TBC1D22A: variants seen among roughly 807,000 people sequenced by gnomAD.
TBC1D22A encodes the protein TBC1 domain family member 22A, also known as putative GTPase activator.
TBC1D22A carries 38 observed loss-of-function variants against 60.2 expected under a neutral mutation model. The ratio of observed to expected loss-of-function variants is 0.63; its 90% confidence interval spans 0.49 to 0.83. The LOEUF is 0.83. Among genes scored for constraint, TBC1D22A ranks in the 40% least tolerant of loss-of-function variants. TBC1D22A has a pLI of 0.00. For synonymous variants in TBC1D22A, 302 were observed against 281.7 expected (o/e 1.07, Z -0.72); for missense variants, 628 against 701.0 (o/e 0.90, Z 1.18).
At chr22:47,127,632 C>T (rs73889409) in intron 12 of TBC1D22A, among the ~76,000 whole-genome samples, 3,042 of 152,070 alleles carry the variant, frequency 0.02, 107 homozygotes, top group African/African-American at 0.07. Context: ...CTTCCACTGC[C>T]GTCGGGGAAG....
chr22:47,044,405 G>T (rs2062963150), intron 11 of TBC1D22A, among the ~76,000 whole-genome samples: 1 of 152,212 alleles, frequency 6.6e-6, no homozygotes, highest in Admixed American at 6.5e-5. Flanking sequence ...GCCTGGGTGA[G>T]GGTGGACAGC....
intron 11 of TBC1D22A, among the ~76,000 whole-genome samples, chr22:47,079,086 T>G (rs1018415321): frequency 6.8e-6 from 1 of 146,150 alleles, no homozygotes; most frequent in African/African-American, 2.5e-5. Flanking sequence ...AGAGCAGACT[T>G]TTTTTTTTTT....
At position 46,941,677 on chromosome 22, in the gene TBC1D22A, A is replaced by G. The variant is rs575136806; in HGVS notation, c.1015+29489A>G. On this transcript the variant is annotated intron_variant, in intron 8 of 12. Transcript: ENST00000337137. ...GAATATATATACGCGGAATATATAT[A>G]CGGAATATATATACGCGGATTATAT... Among the ~76,000 whole-genome samples, 104 of 146,678 alleles carry G rather than the reference A, an allele frequency of 7.1e-4. 2 individuals are homozygous for G. The highest frequency in any genetic ancestry group is 1.9e-3 in the Admixed American group (28 of 14,500).
At chr22:47,071,477 C>G (rs866062747) in intron 11 of TBC1D22A, among the ~76,000 whole-genome samples, 13 of 152,242 alleles carry the variant, frequency 8.5e-5, no homozygotes, top group Admixed American at 5.2e-4. Flanking sequence ...GCTTCTGCAG[C>G]AGCACAAGCC....
chr22:46,872,877 G>C (rs558171443), intron 4 of TBC1D22A, among the ~76,000 whole-genome samples: 7 of 152,194 alleles, frequency 4.6e-5, no homozygotes, highest in Non-Finnish European at 1.0e-4. Context: ...AAAAAGCAGT[G>C]AGTTGAATAA....
chr22:47,004,633 C>T (rs1361479777), intron 10 of TBC1D22A, among the ~76,000 whole-genome samples: 1 of 150,928 alleles, frequency 6.6e-6, no homozygotes, highest in African/African-American at 2.4e-5. Flanking sequence ...TACACATACA[C>T]ACCTCTGTAT....
At chr22:46,915,427 G>A (rs2070288190) in intron 8 of TBC1D22A, 1 of 456,460 alleles carries the variant, frequency 2.2e-6, no homozygotes, top group Non-Finnish European at 4.4e-6. Context: ...CTGTGGTTTC[G>A]ACACCTGAGC....
intron 12 of TBC1D22A, among the ~76,000 whole-genome samples, chr22:47,123,113 C>T (rs1015819374): frequency 3.3e-5 from 5 of 152,102 alleles, no homozygotes; most frequent in South Asian, 2.1e-4. Flanking sequence ...GGGGTGTTCC[C>T]GTGAGGTTCC....
At chr22:47,117,936 A>G (rs768178183) in intron 12 of TBC1D22A, among the ~76,000 whole-genome samples, 2 of 152,100 alleles carry the variant, frequency 1.3e-5, no homozygotes, top group Non-Finnish European at 2.9e-5. Flanking sequence ...CAGCCTGACC[A>G]ACATAGTGAA....
At chr22:47,078,306 C>T (rs372827244) in intron 11 of TBC1D22A, among the ~76,000 whole-genome samples, 11 of 152,204 alleles carry the variant, frequency 7.2e-5, no homozygotes, top group South Asian at 4.1e-4. Flanking sequence ...CCTGGATGGA[C>T]GTGAGTATGT....
intron 8 of TBC1D22A, among the ~76,000 whole-genome samples, chr22:46,970,227 C>T (rs1229364890): frequency 6.6e-6 from 1 of 152,114 alleles, no homozygotes; most frequent in Admixed American, 6.5e-5. Flanking sequence ...CTGCCTGACC[C>T]CCACCCCCAG....
chr22:47,057,987 G>A (rs544019815), intron 11 of TBC1D22A, among the ~76,000 whole-genome samples: 4 of 152,318 alleles, frequency 2.6e-5, no homozygotes, highest in South Asian at 2.1e-4. Context: ...TCTCAGCTGC[G>A]TCATTGCTAC....
At chr22:46,835,776 A>C (rs2086489828) in intron 4 of TBC1D22A, among the ~76,000 whole-genome samples, 1 of 152,186 alleles carries the variant, frequency 6.6e-6, no homozygotes, top group Admixed American at 6.5e-5. Flanking sequence ...GTCTATACTG[A>C]AACACAATAT....
intron 7 of TBC1D22A, among the ~76,000 whole-genome samples, chr22:46,902,116 G>A (rs1297249701): frequency 1.3e-5 from 2 of 152,192 alleles, no homozygotes; most frequent in African/African-American, 4.8e-5. Flanking sequence ...CCTTAGTAGG[G>A]GACCTCAAGC....
chr22:46,964,597 T>C (rs2148074221), intron 8 of TBC1D22A, among the ~76,000 whole-genome samples: 1 of 152,356 alleles, frequency 6.6e-6, no homozygotes, highest in South Asian at 2.1e-4. Context: ...ATAATATACA[T>C]GGACCGTCTG....
intron 12 of TBC1D22A, among the ~76,000 whole-genome samples, chr22:47,112,296 A>G (rs2065879376): frequency 6.6e-6 from 1 of 152,202 alleles, no homozygotes; most frequent in Non-Finnish European, 1.5e-5. Context: ...CCTTCTGCCC[A>G]GTGTTCACCC....
intron 7 of TBC1D22A, among the ~76,000 whole-genome samples, chr22:46,901,385 A>G (rs1239628057): frequency 6.6e-6 from 1 of 152,194 alleles, no homozygotes; most frequent in African/African-American, 2.4e-5. Flanking sequence ...GTGTGAAAGT[A>G]TTGTTTATTT....
chr22:46,768,450 C>A (rs1319113453), intron 1 of TBC1D22A, among the ~76,000 whole-genome samples: 4 of 148,106 alleles, frequency 2.7e-5, no homozygotes, highest in Non-Finnish European at 5.9e-5. Flanking sequence ...GCGCCACCGC[C>A]CCGCAGCCTG....
chr22:46,808,130 G>A (rs1432395576), intron 4 of TBC1D22A, among the ~76,000 whole-genome samples: 1 of 152,202 alleles, frequency 6.6e-6, no homozygotes, highest in African/African-American at 2.4e-5. Context: ...GGCCGAGGCG[G>A]GTGGATCACC....
Sources: allele counts gnomAD v4.1 joint callset (sites outside exome capture counted in the v4.1 genomes callset), GRCh38; gene constraint gnomAD v4.1.1; transcripts MANE v1.5; gene names NCBI Gene and HGNC (gene_info 2026-07-23, HGNC 2026-07-21).